Variants in DOCK3 observed in about 807,000 individuals in gnomAD.
DOCK3 encodes the protein dedicator of cytokinesis protein 3.
A neutral mutation model predicts 265.6 loss-of-function variants in DOCK3; 60 were observed. The ratio of observed to expected loss-of-function variants is 0.23; its 90% CI spans 0.18 to 0.28. The LOEUF (loss-of-function observed/expected upper bound fraction) is 0.28. DOCK3 is among the 10% of genes least tolerant of loss of function. DOCK3 has a pLI of 1.00. For synonymous variants in DOCK3, 881 were observed against 938.0 expected, an observed-to-expected ratio of 0.94 and a Z score of 1.11; for missense variants, 1,981 against 2,594.3, an observed-to-expected ratio of 0.76 and a Z score of 5.14.
At chr3:50,695,655 T>C (rs2035567687) in intron 1 of DOCK3, among the ~76,000 whole-genome samples, 2 of 152,184 alleles carry the variant, frequency 1.3e-5, no homozygotes, top group African/African-American at 2.4e-5. Context: ...AACTTTGGAA[T>C]GCGAGAGAGA....
intron 5 of DOCK3, among the ~76,000 whole-genome samples, chr3:51,014,140 C>T (rs957282398): frequency 6.6e-6 from 1 of 152,166 alleles, no homozygotes; most frequent in Admixed American, 6.5e-5. Flanking sequence ...CAGTGCCCCA[C>T]CCTGCTTCAG....
Position 51,146,628 on chromosome 3 carries a change from A to G in DOCK3, c.826A>G (p.Thr276Ala). ...GATAGAACGAATGTGTGCCCTTTTTACAGTATGTACGAATTCTCTTTTTCT... is the reference window on the plus strand; with the variant it reads ...GATAGAACGAATGTGTGCCCTTTTTGCAGTATGTACGAATTCTCTTTTTCT... ...EKIERMCALF[T>A]DLSSKDMKRD... Residue 276 changes from threonine (T) to alanine (A), a missense_variant and splice_region_variant, in exon 10 of 53, where the codon ACA (threonine) becomes GCA (alanine). Around this residue, in one of 4 missense-constraint regions of DOCK3, gnomAD observed 456 missense variants for 539.0 expected, o/e 0.85. Coordinates refer to ENST00000266037, the MANE Select transcript of DOCK3 (RefSeq NM_004947.5). The G allele has an allele frequency of 6.3e-7, 1 of 1,580,214 alleles. No individual in the cohort carries two copies. Among genetic ancestry groups the G allele is most frequent in the Non-Finnish European group, 8.6e-7 (1 of 1,161,876 alleles).
At chr3:50,970,938 T>A (rs1268913599) in intron 5 of DOCK3, among the ~76,000 whole-genome samples, 1 of 75,418 alleles carries the variant, frequency 1.3e-5, no homozygotes, top group Non-Finnish European at 2.5e-5. Context: ...TATATATATA[T>A]ATATATATAA....
chr3:50,977,903 A>G (rs1385449748), intron 5 of DOCK3, among the ~76,000 whole-genome samples: 2 of 151,538 alleles, frequency 1.3e-5, no homozygotes, highest in Admixed American at 6.6e-5. Flanking sequence ...TTCATCTTCC[A>G]TCGCTGATAC....
intron 1 of DOCK3, among the ~76,000 whole-genome samples, chr3:50,751,944 G>A (rs1559592487): frequency 6.6e-6 from 1 of 152,068 alleles, no homozygotes; most frequent in Non-Finnish European, 1.5e-5. Context: ...AGACCCGCAT[G>A]GGGGAAGCCA....
At chr3:51,232,067 A>G (rs1560251997) in intron 19 of DOCK3, among the ~76,000 whole-genome samples, 1 of 152,166 alleles carries the variant, frequency 6.6e-6, no homozygotes, top group African/African-American at 2.4e-5. Flanking sequence ...TCTTACCTCT[A>G]CCTTAACTGT....
chr3:51,058,740 T>G (rs2081289879), intron 5 of DOCK3, among the ~76,000 whole-genome samples: 1 of 152,138 alleles, frequency 6.6e-6, no homozygotes, highest in Non-Finnish European at 1.5e-5. Context: ...GGGGTCCACT[T>G]CCTCATAGTT....
At chr3:51,205,709 AATAG>A (rs978295392) in intron 12 of DOCK3, among the ~76,000 whole-genome samples, 11 of 152,252 alleles carry the variant, frequency 7.2e-5, no homozygotes, top group Admixed American at 2.0e-4. Flanking sequence ...TAGATCAGTT[AATAG>A]ATAGATAGAA....
chr3:51,214,233 A>T lies in DOCK3; in HGVS notation c.1238A>T (p.Asp413Val). Residue 413 changes from aspartate (D) to valine (V), a missense_variant, in exon 14 of 53, where the codon GAT (aspartate) becomes GTT (valine). Physicochemically the swap from Asp to Val is radical, Grantham distance 152. Coordinates refer to ENST00000266037, the MANE Select transcript of DOCK3 (RefSeq NM_004947.5). Reference sequence around the variant, plus strand: ...ATTACAAGAAAATTGGGATTTCCTGATGTCATTATGCCAGGTATGCAGAAC... The same window carrying T: ...ATTACAAGAAAATTGGGATTTCCTGTTGTCATTATGCCAGGTATGCAGAAC... Reference protein sequence around the residue: ...LAITRKLGFPDVIMPGDIRND... With the variant: ...LAITRKLGFPVVIMPGDIRND... 1 of 1,613,684 alleles carries T rather than the reference A, an allele frequency of 6.2e-7. No individual in the cohort carries two copies. The highest frequency in any genetic ancestry group is 8.5e-7 in the Non-Finnish European group (1 of 1,179,772).
chr3:51,325,717 G>C (rs1479263952), intron 32 of DOCK3, among the ~76,000 whole-genome samples: 1 of 152,174 alleles, frequency 6.6e-6, no homozygotes, highest in Non-Finnish European at 1.5e-5. Context: ...ATACACCATG[G>C]AATACTATGC....
chr3:51,018,011 G>A (rs112701309), intron 5 of DOCK3, among the ~76,000 whole-genome samples: 2,593 of 151,540 alleles, frequency 0.017, 92 homozygotes, highest in African/African-American at 0.043. Flanking sequence ...TCCTACCTCA[G>A]CCTCCCGAGT....
chr3:50,749,202 C>T (rs1421568801), intron 1 of DOCK3, among the ~76,000 whole-genome samples: 1 of 152,096 alleles, frequency 6.6e-6, no homozygotes, highest in Non-Finnish European at 1.5e-5. Flanking sequence ...TTCTTTGTTT[C>T]AAATATTTAA....
rs1353706381 is a variant in DOCK3, at chr3:51,374,190, C to T, written c.5294-279C>T. ...CTAGCCACCCTGCTCCAGTTCTTAA[C>T]TCTCCTCACCCTCTGCTTCTGAGCA... On this transcript the variant is annotated intron_variant, in intron 49 of 52. Coordinates refer to ENST00000266037, the MANE Select transcript of DOCK3 (RefSeq NM_004947.5). This position sits in a 1 kb window ranked among gnomAD's most constrained non-coding sequence, Gnocchi z 4.8. Among the ~76,000 whole-genome samples, 3 of 152,192 alleles carry T rather than the reference C, an allele frequency of 2.0e-5. No individual in the cohort carries two copies. Among genetic ancestry groups the T allele is most frequent in the African/African-American group, 4.8e-5 (2 of 41,444 alleles).
chr3:51,087,815 G>C (rs2082484986), intron 7 of DOCK3, among the ~76,000 whole-genome samples: 1 of 152,104 alleles, frequency 6.6e-6, no homozygotes, highest in Non-Finnish European at 1.5e-5. Context: ...ATGTAAATTA[G>C]TACAGCCACT....
rs796459404 is a variant in DOCK3 at position 51,015,996 on chromosome 3, T to G, written c.316-48452T>G. 4.9e-3 allele frequency among the ~76,000 whole-genome samples: 64 copies of G among 13,140 alleles called. 4 individuals carry two copies. Among genetic ancestry groups the G allele is most frequent in the Middle Eastern group, 0.083 (1 of 12 alleles). 8.6% of individuals were successfully genotyped at this position (13,140 alleles called of 152,430 possible). On this transcript the variant is annotated intron_variant, in intron 5 of 52. Transcript: ENST00000266037. ...ATATATATCATATATTTCTACATAA[T>G]ATATATATCATATATTTCTACATAA...
intron 20 of DOCK3, among the ~76,000 whole-genome samples, chr3:51,236,753 C>CAAT (rs1472886360): frequency 6.6e-6 from 1 of 152,112 alleles, no homozygotes; most frequent in Non-Finnish European, 1.5e-5. Flanking sequence ...TCAGATGGCT[C>CAAT]ATTTTTTCAC....
At position 50,761,664 on chromosome 3, in the gene DOCK3, T is replaced by C. The variant is rs543323224; in HGVS notation, c.38-17011T>C. Among the ~76,000 whole-genome samples, 6 of 152,332 alleles carry C rather than the reference T, an allele frequency of 3.9e-5. No homozygotes were observed. In the South Asian group the frequency reaches 1.0e-3, roughly 26 times the overall value. On this transcript the variant is annotated intron_variant, in intron 1 of 52. Transcript: ENST00000266037. Reference sequence around the variant, plus strand: ...TTCTGCACTTTAATCTTCTTTTGGATCTTCACCTGATAATTTTTCACCATT... The same window carrying C: ...TTCTGCACTTTAATCTTCTTTTGGACCTTCACCTGATAATTTTTCACCATT...
intron 40 of DOCK3, 101 bp downstream of exon 40, chr3:51,350,493 C>T (rs1184676221): frequency 1.6e-6 from 2 of 1,289,052 alleles, no homozygotes; most frequent in Non-Finnish European, 2.2e-6. Flanking sequence ...CTACTGAATA[C>T]TTCTTTACAG....
intron 2 of DOCK3, among the ~76,000 whole-genome samples, chr3:50,827,398 G>T (rs1289334184): frequency 6.6e-6 from 1 of 152,130 alleles, no homozygotes; most frequent in African/African-American, 2.4e-5. Flanking sequence ...TGTCTTTTTG[G>T]TGTGTCCTCA....
Sources: allele counts gnomAD v4.1 joint callset (sites outside exome capture counted in the v4.1 genomes callset), GRCh38; gene constraint gnomAD v4.1.1; regional missense constraint gnomAD v4.1.1; non-coding constraint Gnocchi (gnomAD v3.1); transcripts MANE v1.5; gene names NCBI Gene and HGNC (gene_info 2026-07-23, HGNC 2026-07-21).